The following OPCML variants were observed in gnomAD, a reference collection of about 807,000 sequenced individuals.
OPCML encodes opioid-binding protein/cell adhesion molecule.
Under a neutral mutation model 37.8 loss-of-function variants are expected in OPCML, and 13 were observed. That is an observed-to-expected ratio of 0.34 (90% CI 0.22 to 0.55). OPCML has a LOEUF of 0.55. Among genes scored for constraint, OPCML ranks in the 20% least tolerant of loss-of-function variants. The probability of loss-of-function intolerance (pLI) is 0.91; values close to 1 mark genes in which losing one functional copy is unlikely to be tolerated. For synonymous variants in OPCML, 176 were observed against 168.8 expected, an observed-to-expected ratio of 1.04 and a Z score of -0.33; for missense variants, 341 against 435.6, an observed-to-expected ratio of 0.78 and a Z score of 1.93.
rs1227623584 is a variant in OPCML, at chr11:133,024,300, A to T, written c.62-81290T>A. The stretch of plus-strand genomic sequence containing the variant: ...AGAGCAAGCGTGTTGTGCAGTGTTG[A>T]TGGAAGTTGGGAGCATGCTCTGGGA... On this transcript the variant is annotated intron_variant, in intron 1 of 7. Transcript: ENST00000524381. 4 of 964,404 alleles carry T rather than the reference A, an allele frequency of 4.1e-6. No homozygotes were observed. In the African/African-American group the frequency reaches 7.1e-5, roughly 17 times the overall value. The allele number at this position is 964,404 out of a possible 1,614,324, so 59.7% of individuals were successfully genotyped here.
intron 1 of OPCML, among the ~76,000 whole-genome samples, chr11:133,364,036 C>G (rs761625901): frequency 9.9e-5 from 15 of 152,190 alleles, no homozygotes; most frequent in Non-Finnish European, 2.2e-4. Context: ...CTACTCCTCC[C>G]GCTTCTCAGA....
chr11:132,480,317 GA>G (rs962938591), intron 4 of OPCML, among the ~76,000 whole-genome samples: 1 of 152,090 alleles, frequency 6.6e-6, no homozygotes, highest in Non-Finnish European at 1.5e-5. Context: ...GAAGTTTAGA[GA>G]AAAAAGAATA....
At chr11:133,188,450 T>C (rs756569448) in intron 1 of OPCML, among the ~76,000 whole-genome samples, 1 of 152,092 alleles carries the variant, frequency 6.6e-6, no homozygotes, top group Non-Finnish European at 1.5e-5. Flanking sequence ...GCGATCCACA[T>C]TGTTACAGGT....
intron 4 of OPCML, among the ~76,000 whole-genome samples, chr11:132,505,728 G>A (rs182281994): frequency 5.9e-5 from 9 of 152,096 alleles, no homozygotes; most frequent in East Asian, 5.8e-4. Flanking sequence ...CAGCTCTCCC[G>A]GGATACAGAA....
At chr11:133,463,621 G>T (rs986852415) in intron 1 of OPCML, among the ~76,000 whole-genome samples, 2 of 151,850 alleles carry the variant, frequency 1.3e-5, no homozygotes, top group African/African-American at 2.4e-5. Flanking sequence ...GCTATCTCTC[G>T]AGGGGAAGAC....
At chr11:133,505,000 A>T (rs1947995429) in intron 1 of OPCML, among the ~76,000 whole-genome samples, 1 of 152,228 alleles carries the variant, frequency 6.6e-6, no homozygotes, top group Non-Finnish European at 1.5e-5. Context: ...GACAGGGAAG[A>T]TGAATGTAGC....
At chr11:133,202,106 T>C (rs1721051222) in intron 1 of OPCML, among the ~76,000 whole-genome samples, 1 of 151,974 alleles carries the variant, frequency 6.6e-6, no homozygotes, top group Non-Finnish European at 1.5e-5. Context: ...CATAAAGAAA[T>C]AGACAAAGAT....
chr11:132,475,689 G>C (rs532125351), intron 4 of OPCML, among the ~76,000 whole-genome samples: 2 of 150,676 alleles, frequency 1.3e-5, no homozygotes, highest in Admixed American at 6.6e-5. Context: ...CTCCAGAAAC[G>C]TGAAAAAAAA....
intron 1 of OPCML, among the ~76,000 whole-genome samples, chr11:133,442,853 C>G (rs1378739606): frequency 1.3e-5 from 2 of 151,802 alleles, no homozygotes; most frequent in African/African-American, 4.8e-5. Flanking sequence ...GGAAGACACA[C>G]AGCAAACTGT....
intron 1 of OPCML, among the ~76,000 whole-genome samples, chr11:132,977,433 T>C (rs1325157658): frequency 6.6e-6 from 1 of 152,206 alleles, no homozygotes; most frequent in Non-Finnish European, 1.5e-5. Context: ...CCAGCTTCCC[T>C]CTAGATTTAG....
intron 1 of OPCML, chr11:133,004,099 C>T (rs1947061796): frequency 1.1e-5 from 11 of 985,268 alleles, no homozygotes; most frequent in Non-Finnish European, 1.3e-5. Flanking sequence ...TGTGTTCTAG[C>T]TTGGAAGGAA....
intron 4 of OPCML, among the ~76,000 whole-genome samples, chr11:132,440,572 A>C (rs77523522): frequency 6.6e-6 from 1 of 152,170 alleles, no homozygotes; most frequent in East Asian, 1.9e-4. Flanking sequence ...TCAGGCTGAG[A>C]CCCTTGTGGA....
intron 4 of OPCML, among the ~76,000 whole-genome samples, chr11:132,474,172 C>T (rs2096147146): frequency 6.6e-6 from 1 of 152,144 alleles, no homozygotes; most frequent in African/African-American, 2.4e-5. Context: ...ATCATAATCA[C>T]AGAGTCAGAA....
chr11:132,996,725 T>C (rs1489508688), intron 1 of OPCML, among the ~76,000 whole-genome samples: 2 of 152,066 alleles, frequency 1.3e-5, no homozygotes, highest in Admixed American at 6.5e-5. Context: ...TCAGTAATAA[T>C]TTTAGTGTGC....
intron 1 of OPCML, among the ~76,000 whole-genome samples, chr11:133,195,075 T>C (rs1938485093): frequency 6.6e-6 from 1 of 152,228 alleles, no homozygotes; most frequent in Non-Finnish European, 1.5e-5. Flanking sequence ...AATTTTCTCC[T>C]AGTAAGTTGT....
At chr11:132,522,869 CTTCTAAAACTTTCTCTTTAGGAAT>C (rs1363449087) in intron 4 of OPCML, among the ~76,000 whole-genome samples, 1 of 152,178 alleles carries the variant, frequency 6.6e-6, no homozygotes, top group Non-Finnish European at 1.5e-5. Context: ...TTGGTGATTC[CTTCTAAAACTTTCTCTTTAGGAAT>C]TTCTAGCATG....
intron 1 of OPCML, among the ~76,000 whole-genome samples, chr11:133,140,528 T>TAAGAAGAAGAAG (rs1489312604): frequency 0.025 from 1,521 of 61,056 alleles, 13 homozygotes; most frequent in East Asian, 0.04. Context: ...ATAATAATAA[T>TAAGAAGAAGAAG]AATAAGAAGA....
chr11:132,592,958 G>A (rs572842766), intron 3 of OPCML, among the ~76,000 whole-genome samples: 14 of 152,286 alleles, frequency 9.2e-5, no homozygotes, highest in South Asian at 2.1e-4. Flanking sequence ...CTTTCTCTTC[G>A]AGGAGAGAGC....
intron 3 of OPCML, among the ~76,000 whole-genome samples, chr11:132,652,900 G>A (rs1941504250): frequency 6.6e-6 from 1 of 152,166 alleles, no homozygotes; most frequent in South Asian, 2.1e-4. Context: ...TCTGCTCATT[G>A]TACAAACATT....
Sources: allele counts gnomAD v4.1 joint callset (sites outside exome capture counted in the v4.1 genomes callset), GRCh38; gene constraint gnomAD v4.1.1; transcripts MANE v1.5; gene names NCBI Gene and HGNC (gene_info 2026-07-23, HGNC 2026-07-21).